RAD23B: variants seen among roughly 807,000 people sequenced by gnomAD.
RAD23B encodes lysine-specific demethylase RAD23B.
RAD23B carries 5 observed loss-of-function variants against 49.1 expected under a neutral mutation model. That is an observed-to-expected ratio of 0.10 (90% CI 0.05 to 0.21). The LOEUF is 0.21. RAD23B is among the 10% of genes least tolerant of loss of function. The probability of loss-of-function intolerance (pLI) is 1.00; values close to 1 mark genes in which losing one functional copy is unlikely to be tolerated. For synonymous variants in RAD23B, 184 were observed against 165.4 expected, an observed-to-expected ratio of 1.11 and a Z score of -0.86; for missense variants, 356 against 486.7, an observed-to-expected ratio of 0.73 and a Z score of 2.53.
intron 1 of RAD23B, 128 bp from the exon 2 acceptor site, chr9:107,300,009 AACAT>A: frequency 8.5e-7 from 1 of 1,177,536 alleles, no homozygotes; most frequent in South Asian, 1.8e-5. Flanking sequence ...AAATTGGAAA[AACAT>A]AATATTTGAG....
chr9:107,288,252 G>T (rs1833314938), intron 1 of RAD23B, among the ~76,000 whole-genome samples: 1 of 152,116 alleles, frequency 6.6e-6, no homozygotes, highest in Admixed American at 6.5e-5. Flanking sequence ...TTTGCATGTT[G>T]ATTTATTTAT....
chr9:107,300,296 T>C (rs1826623082), intron 2 of RAD23B, 74 bp downstream of exon 2: 5 of 1,434,434 alleles, frequency 3.5e-6, no homozygotes, highest in Admixed American at 2.5e-5. Flanking sequence ...ATCTTATATA[T>C]TGTAGTATAT....
chr9:107,289,119 C>T (rs1399599706), intron 1 of RAD23B, among the ~76,000 whole-genome samples: 2 of 125,552 alleles, frequency 1.6e-5, no homozygotes, highest in Non-Finnish European at 3.3e-5. Flanking sequence ...TCCCTCCCTT[C>T]CCCCTTCCCT....
chr9:107,296,556 GTC>G lies in RAD23B; in HGVS notation c.67-3575_67-3574del, dbSNP rs539356323. On this transcript the variant is annotated intron_variant, in intron 1 of 9. Coordinates refer to ENST00000358015, the MANE Select transcript of RAD23B (RefSeq NM_002874.5). ...TAGTGCAAAAACAGTTTTGTGCCTT[GTC>G]TCTCTCTCTTTTTTTTTTTCTTTTT... Among the ~76,000 whole-genome samples the G allele has an allele frequency of 4.0e-5, 6 of 150,552 alleles. No individual in the cohort carries two copies. The East Asian group carries it at 5.8e-4, about 15-fold the overall frequency.
chr9:107,302,190 T>C (rs1052854649), intron 3 of RAD23B, 76 bp downstream of exon 3: 2 of 1,594,928 alleles, frequency 1.3e-6, no homozygotes, highest in Non-Finnish European at 1.7e-6. Context: ...GTCCACACAA[T>C]GGACACAGTT....
chr9:107,320,958 C>T (rs1827098221), intron 6 of RAD23B, among the ~76,000 whole-genome samples: 1 of 152,148 alleles, frequency 6.6e-6, no homozygotes, highest in Admixed American at 6.5e-5. Flanking sequence ...AAGCATTTAT[C>T]ATCTTATTCA....
intron 4 of RAD23B, among the ~76,000 whole-genome samples, chr9:107,307,804 A>G (rs1826809004): frequency 6.6e-6 from 1 of 152,212 alleles, no homozygotes; most frequent in Non-Finnish European, 1.5e-5. Context: ...TAAGAAGACA[A>G]CATGGGTTTA....
At chr9:107,319,007 TC>T (rs1827053978) in intron 6 of RAD23B, 128 bp downstream of exon 6, 2 of 856,664 alleles carry the variant, frequency 2.3e-6, no homozygotes, top group Admixed American at 7.8e-5. Context: ...CTTTTTTTTT[TC>T]TAGTATGTTT....
chr9:107,289,152 T>G (rs1239571431), intron 1 of RAD23B, among the ~76,000 whole-genome samples: 1 of 136,046 alleles, frequency 7.4e-6, no homozygotes, highest in Non-Finnish European at 1.6e-5. Context: ...CCTTCCCTCC[T>G]TTCCTCCCTT....
At chr9:107,317,639 T>C (rs1827022664) in intron 5 of RAD23B, among the ~76,000 whole-genome samples, 1 of 151,750 alleles carries the variant, frequency 6.6e-6, no homozygotes, top group Non-Finnish European at 1.5e-5. Context: ...GTAAAGATGT[T>C]GGTGGAGAAG....
intron 1 of RAD23B, among the ~76,000 whole-genome samples, chr9:107,288,030 T>C (rs73515722): frequency 0.035 from 5,281 of 152,194 alleles, 279 homozygotes; most frequent in African/African-American, 0.12. Context: ...AGTAAATGTA[T>C]TAAAAATACT....
chr9:107,298,627 G>C (rs1435204063), intron 1 of RAD23B, among the ~76,000 whole-genome samples: 1 of 150,990 alleles, frequency 6.6e-6, no homozygotes, highest in East Asian at 1.9e-4. Flanking sequence ...CACTGCGCCT[G>C]ACCCAATGTA....
Position 107,318,729 on chromosome 9 carries a change from TCCCCTCCAC to T in RAD23B, c.554-20_554-12del. On this transcript the variant is annotated splice_polypyrimidine_tract_variant and intron_variant, in intron 5 of 9. Transcript: ENST00000358015. This position sits in a 1 kb window ranked among gnomAD's most constrained non-coding sequence, Gnocchi z 4.3. ...CTTATTTATTAAATGTTCCTTTTTT[TCCCCTCCAC>T]CCTCCCTTTTTAGTGACGGGTCAGT... 1.9e-6 allele frequency: 3 copies of T among 1,592,506 alleles called. No homozygotes were observed. Among genetic ancestry groups the T allele is most frequent in the South Asian group, 1.1e-5 (1 of 89,084 alleles).
intron 7 of RAD23B, among the ~76,000 whole-genome samples, chr9:107,323,559 G>A (rs938275752): frequency 3.3e-5 from 5 of 152,022 alleles, no homozygotes; most frequent in Non-Finnish European, 5.9e-5. Flanking sequence ...ACAACTTTTA[G>A]TACTTTTTAT....
At position 107,331,750 on chromosome 9, in the gene RAD23B, C is replaced by T; in HGVS notation, c.*2094C>T. On this transcript the variant is annotated 3_prime_UTR_variant, in exon 10 of 10. Transcript: ENST00000358015. ...GCAGAAGGTGGCATGGAGCTTGTGT[C>T]CTTGGACAACAAATCTGGATATACT... is the stretch of plus-strand genomic sequence containing the variant. The T allele has an allele frequency of 1.3e-6, 1 of 775,210 alleles. No homozygotes were observed. 48.0% of individuals were successfully genotyped at this position (775,210 alleles called of 1,614,324 possible). A position where few individuals can be genotyped will look rare whatever the true frequency, so the allele number is the denominator to read the frequency against.
At chr9:107,301,460 A>T (rs918776155) in intron 2 of RAD23B, among the ~76,000 whole-genome samples, 6 of 152,138 alleles carry the variant, frequency 3.9e-5, no homozygotes, top group Non-Finnish European at 7.4e-5. Context: ...CTTTTATATA[A>T]TCAATACATT....
intron 5 of RAD23B, among the ~76,000 whole-genome samples, chr9:107,312,817 C>G (rs796385333): frequency 1.3e-4 from 20 of 152,022 alleles, no homozygotes; most frequent in African/African-American, 4.4e-4. Flanking sequence ...CAGCTGGAGC[C>G]AGCTAGCACT....
rs556401881 is a variant in RAD23B at position 107,303,064 on chromosome 9, TAAG to T, written c.228+952_228+954del. ...AGCAGAGAATGAACATGGATTTTTTTAAGAGACTATTTATATACTTGTTTATTT... is the reference window on the plus strand; with the variant it reads ...AGCAGAGAATGAACATGGATTTTTTTAGACTATTTATATACTTGTTTATTT... On this transcript the variant is annotated intron_variant, in intron 3 of 9. Transcript: ENST00000358015. 1.5e-3 allele frequency among the ~76,000 whole-genome samples: 230 copies of T among 152,326 alleles called. 1 individual carries two copies. The highest frequency in any genetic ancestry group is 5.1e-3 in the African/African-American group (214 of 41,578).
Position 107,306,314 on chromosome 9 carries a change from T to C in RAD23B, c.229-65T>C. On this transcript the variant is annotated intron_variant, in intron 3 of 9. Coordinates refer to ENST00000358015, the MANE Select transcript of RAD23B (RefSeq NM_002874.5). Reference sequence around the variant, plus strand: ...TTTGTGGCATCCTGTAACGGTACAGTCTAATTAGAGATCAGGCAGTATGTA... The same window carrying C: ...TTTGTGGCATCCTGTAACGGTACAGCCTAATTAGAGATCAGGCAGTATGTA... 3 of 1,489,850 alleles carry C rather than the reference T, an allele frequency of 2.0e-6. No individual in the cohort carries two copies. The Admixed American group carries it at 5.5e-5, about 27-fold the overall frequency. 92.3% of individuals were successfully genotyped at this position (1,489,850 alleles called of 1,614,324 possible).
Sources: gnomAD v4.1 joint callset for allele counts (sites outside exome capture counted in the v4.1 genomes callset) on GRCh38, gnomAD v4.1.1 for gene constraint, Gnocchi (gnomAD v3.1) non-coding constraint, MANE v1.5 for transcripts, NCBI Gene and HGNC (gene_info 2026-07-23, HGNC 2026-07-21) for gene names.